Variants in DNAH7 observed in about 807,000 individuals in gnomAD.
DNAH7 encodes the protein dynein axonemal heavy chain 7, also known as axonemal beta dynein heavy chain 7.
DNAH7 carries 397 observed loss-of-function variants against 444.6 expected under a neutral mutation model. The observed-to-expected ratio is 0.89, with a 90% CI of 0.82 to 0.97. The LOEUF is 0.97. Among genes scored for constraint, DNAH7 ranks in the 50% least tolerant of loss-of-function variants. The pLI, the probability that DNAH7 is intolerant of heterozygous loss-of-function variation, is 0.00. For missense variants in DNAH7, 4,902 were observed against 4,800.8 expected, an observed-to-expected ratio of 1.02 and a Z score of -0.62; for synonymous variants, 1,636 against 1,624.4, an observed-to-expected ratio of 1.01 and a Z score of -0.17.
At chr2:195,897,788 A>C in intron 28 of DNAH7, 23 bp from the exon 29 acceptor site, 1 of 1,366,178 alleles carries the variant, frequency 7.3e-7, no homozygotes, top group Non-Finnish European at 1.0e-6. Flanking sequence ...AAAAAAACTC[A>C]TGAGGATATC....
intron 17 of DNAH7, among the ~76,000 whole-genome samples, chr2:195,966,653 T>C (rs1031925971): frequency 7.2e-5 from 11 of 152,186 alleles, no homozygotes; most frequent in Non-Finnish European, 1.2e-4. Context: ...ATATAAATTA[T>C]AATTGTCATA....
chr2:195,954,119 T>A (rs1690461319), intron 19 of DNAH7, among the ~76,000 whole-genome samples: 1 of 152,192 alleles, frequency 6.6e-6, no homozygotes, highest in Admixed American at 6.5e-5. Context: ...GTTGGTGTGC[T>A]GCACCCATTA....
rs1272820105 is a variant in DNAH7 at position 195,778,840 on chromosome 2, T to C, written c.10879-855A>G. ...TCATATATATACATATACACAATTG[T>C]ACACTTTTTTTTTTTTTTTTGAGAC... On this transcript the variant is annotated intron_variant, in intron 58 of 64. Transcript: ENST00000312428. Among the ~76,000 whole-genome samples the C allele has an allele frequency of 3.6e-5, 4 of 112,216 alleles. No individual in the cohort carries two copies. In the East Asian group the frequency reaches 1.0e-3, roughly 28 times the overall value. The allele number at this position is 112,216 out of a possible 152,430, so 73.6% of individuals were successfully genotyped here. A position where few individuals can be genotyped will look rare whatever the true frequency, so the allele number is the denominator to read the frequency against.
At chr2:196,056,520 C>T (rs935161173) in intron 2 of DNAH7, among the ~76,000 whole-genome samples, 15 of 152,146 alleles carry the variant, frequency 9.9e-5, no homozygotes, top group African/African-American at 3.4e-4. Flanking sequence ...ACTCTGCTCA[C>T]ACACATGAGC....
At chr2:195,941,130 C>T (rs1689407415) in intron 19 of DNAH7, among the ~76,000 whole-genome samples, 1 of 152,088 alleles carries the variant, frequency 6.6e-6, no homozygotes, top group Non-Finnish European at 1.5e-5. Flanking sequence ...CCCAAATGCC[C>T]ATCAATGATA....
intron 57 of DNAH7, among the ~76,000 whole-genome samples, chr2:195,790,465 TAAA>T (rs201882584): frequency 3.1e-5 from 4 of 129,078 alleles, no homozygotes; most frequent in Non-Finnish European, 5.1e-5. Context: ...TGGTACTGGT[TAAA>T]AAAAAAAAAA....
At chr2:196,031,764 C>G (rs1435696963) in intron 5 of DNAH7, among the ~76,000 whole-genome samples, 1 of 152,212 alleles carries the variant, frequency 6.6e-6, no homozygotes, top group Non-Finnish European at 1.5e-5. Context: ...CCATCTGAGA[C>G]CACCTCAGCC....
chr2:195,861,265 A>C (rs575009756), intron 42 of DNAH7, among the ~76,000 whole-genome samples: 1 of 152,270 alleles, frequency 6.6e-6, no homozygotes, highest in African/African-American at 2.4e-5. Flanking sequence ...CAGAACATTA[A>C]AAAAACTCAC....
chr2:195,957,606 T>TA (rs1690770611), intron 18 of DNAH7, among the ~76,000 whole-genome samples, 159 bp from the exon 19 acceptor site: 1 of 138,104 alleles, frequency 7.2e-6, no homozygotes, highest in Non-Finnish European at 1.5e-5. Flanking sequence ...ACAATTGTTA[T>TA]ACATTATATA....
intron 5 of DNAH7, among the ~76,000 whole-genome samples, chr2:196,041,907 A>G (rs2139391): frequency 0.25 from 37,630 of 151,830 alleles, 7,556 homozygotes; most frequent in African/African-American, 0.55. Flanking sequence ...CAAATGATCC[A>G]AATAGATATT....
Position 195,870,914 on chromosome 2 carries a change from G to C in DNAH7, c.6633+1336C>G, listed in dbSNP as rs146889961. Reference sequence around the variant, plus strand: ...AAGGCATGCTCCTTGAATGAATTCAGCATCATCCTCCCTGTTCACTTCCCC... The same window carrying C: ...AAGGCATGCTCCTTGAATGAATTCACCATCATCCTCCCTGTTCACTTCCCC... On this transcript the variant is annotated intron_variant, in intron 40 of 64. Coordinates refer to ENST00000312428, the MANE Select transcript of DNAH7 (RefSeq NM_018897.3). Among the ~76,000 whole-genome samples, 610 of 152,258 alleles carry C rather than the reference G, an allele frequency of 4.0e-3. 5 individuals are homozygous for C. Among genetic ancestry groups the C allele is most frequent in the Admixed American group, 5.2e-3 (79 of 15,300 alleles).
chr2:195,892,559 C>T (rs2125229909), intron 30 of DNAH7: 1 of 151,480 alleles, frequency 6.6e-6, no homozygotes, highest in Middle Eastern at 3.4e-3. Flanking sequence ...ATTCCAGATA[C>T]TCTCTCTACT....
chr2:196,007,317 C>T (rs1364044435), intron 10 of DNAH7, among the ~76,000 whole-genome samples: 1 of 152,190 alleles, frequency 6.6e-6, no homozygotes, highest in African/African-American at 2.4e-5. Context: ...GCCAAGACAA[C>T]TCACTCAGAA....
At chr2:196,037,287 G>T (rs976059435) in intron 5 of DNAH7, among the ~76,000 whole-genome samples, 4 of 152,008 alleles carry the variant, frequency 2.6e-5, no homozygotes, top group Admixed American at 2.6e-4. Flanking sequence ...ATTGGAAGAA[G>T]TGACAGTTAT....
chr2:195,925,354 T>C (rs1188519744), intron 22 of DNAH7, among the ~76,000 whole-genome samples: 1 of 152,070 alleles, frequency 6.6e-6, no homozygotes, highest in Non-Finnish European at 1.5e-5. Flanking sequence ...AGTGTGGTGG[T>C]TGGTGAGTGG....
chr2:196,009,927 A>C (rs950681867), intron 10 of DNAH7, among the ~76,000 whole-genome samples: 1 of 152,238 alleles, frequency 6.6e-6, no homozygotes, highest in Non-Finnish European at 1.5e-5. Context: ...ATTCCTATTC[A>C]TCACGGAAAT....
At chr2:196,013,331 A>C (rs935873461) in intron 9 of DNAH7, among the ~76,000 whole-genome samples, 1 of 152,086 alleles carries the variant, frequency 6.6e-6, no homozygotes, top group African/African-American at 2.4e-5. Flanking sequence ...TCTCACATCT[A>C]ATCAAGAACC....
At chr2:195,973,774 T>A (rs1486403638) in intron 15 of DNAH7, among the ~76,000 whole-genome samples, 1 of 152,108 alleles carries the variant, frequency 6.6e-6, no homozygotes, top group African/African-American at 2.4e-5. Context: ...GGCTGACCCT[T>A]CCTTTGTATT....
intron 64 of DNAH7, among the ~76,000 whole-genome samples, chr2:195,740,224 A>T (rs906142981): frequency 6.6e-6 from 1 of 152,120 alleles, no homozygotes; most frequent in African/African-American, 2.4e-5. Flanking sequence ...ACCTCAGGTG[A>T]TCCGTCTGCC....
Sources: gnomAD v4.1 joint callset for allele counts (sites outside exome capture counted in the v4.1 genomes callset) on GRCh38, gnomAD v4.1.1 for gene constraint, MANE v1.5 for transcripts, NCBI Gene and HGNC (gene_info 2026-07-23, HGNC 2026-07-21) for gene names.